RALYL: variants seen among roughly 807,000 people sequenced by gnomAD.
RALYL encodes the protein RALY RNA binding protein like.
Under a neutral mutation model 35.1 loss-of-function variants are expected in RALYL, and 29 were observed. The ratio of observed to expected loss-of-function variants is 0.83; its 90% CI spans 0.61 to 1.13. The LOEUF is 1.13. Among genes scored for constraint, RALYL ranks in the 50% most tolerant of loss-of-function variants. RALYL has a pLI of 0.00. For missense variants in RALYL, 359 were observed against 360.4 expected, an observed-to-expected ratio of 1.00 and a Z score of 0.03; for synonymous variants, 120 against 127.6, an observed-to-expected ratio of 0.94 and a Z score of 0.40.
intron 1 of RALYL, among the ~76,000 whole-genome samples, chr8:84,270,602 CAT>C (rs911561403): frequency 6.7e-6 from 1 of 150,182 alleles, no homozygotes; most frequent in Non-Finnish European, 1.5e-5. Context: ...ATAATTTTCA[CAT>C]ATCTTTCTAT....
At chr8:84,591,774 G>C (rs1231531468) in intron 2 of RALYL, among the ~76,000 whole-genome samples, 2 of 152,106 alleles carry the variant, frequency 1.3e-5, no homozygotes, top group Non-Finnish European at 2.9e-5. Flanking sequence ...GATGATGATG[G>C]GGAAAAAGAA....
At chr8:84,733,449 A>T (rs1162424990) in intron 2 of RALYL, among the ~76,000 whole-genome samples, 1 of 152,136 alleles carries the variant, frequency 6.6e-6, no homozygotes, top group Non-Finnish European at 1.5e-5. Context: ...CATCAAGGAG[A>T]GTTGGTCACC....
chr8:84,756,338 A>G (rs1238388029), intron 2 of RALYL, among the ~76,000 whole-genome samples: 1 of 152,180 alleles, frequency 6.6e-6, no homozygotes, highest in Non-Finnish European at 1.5e-5. Context: ...ATGAACAGAA[A>G]GAGATTGTAG....
At chr8:84,202,268 T>C (rs2131022442) in intron 1 of RALYL, among the ~76,000 whole-genome samples, 1 of 152,040 alleles carries the variant, frequency 6.6e-6, no homozygotes, top group South Asian at 2.1e-4. Context: ...TTTACCTTCT[T>C]ACCTAACACT....
intron 2 of RALYL, among the ~76,000 whole-genome samples, chr8:84,705,339 G>T (rs1225469816): frequency 1.3e-5 from 2 of 152,090 alleles, no homozygotes; most frequent in Non-Finnish European, 2.9e-5. Context: ...GAGGCTTCTT[G>T]CAAGCAGGAG....
intron 2 of RALYL, among the ~76,000 whole-genome samples, chr8:84,722,273 C>A (rs1844065302): frequency 6.6e-6 from 1 of 151,586 alleles, no homozygotes; most frequent in South Asian, 2.1e-4. Context: ...ATATTCTGGA[C>A]TTGGTAATTT....
chr8:84,408,127 T>C (rs1281853071), intron 1 of RALYL, among the ~76,000 whole-genome samples: 1 of 152,150 alleles, frequency 6.6e-6, no homozygotes, highest in Non-Finnish European at 1.5e-5. Context: ...AATGATACAT[T>C]TTATAAAATT....
intron 1 of RALYL, among the ~76,000 whole-genome samples, chr8:84,420,499 C>T (rs1387915578): frequency 6.7e-6 from 1 of 149,792 alleles, no homozygotes; most frequent in African/African-American, 2.5e-5. Context: ...TGTAGGTTGC[C>T]TGTTCACTCT....
chr8:84,881,489 A>G (rs1842166173), intron 7 of RALYL, among the ~76,000 whole-genome samples: 1 of 151,962 alleles, frequency 6.6e-6, no homozygotes, highest in Admixed American at 6.6e-5. Flanking sequence ...CAACTCAACC[A>G]ATTTTCATAG....
At chr8:84,335,828 CT>C (rs1053691688) in intron 1 of RALYL, among the ~76,000 whole-genome samples, 3 of 143,254 alleles carry the variant, frequency 2.1e-5, no homozygotes, top group Admixed American at 1.5e-4. Flanking sequence ...TTGGTTTCTG[CT>C]TTTTGGGCCT....
chr8:84,549,079 G>C (rs1158247633), intron 2 of RALYL, among the ~76,000 whole-genome samples: 1 of 152,136 alleles, frequency 6.6e-6, no homozygotes, highest in Non-Finnish European at 1.5e-5. Flanking sequence ...TGTTCTCAGA[G>C]AGGCCCAGTT....
intron 2 of RALYL, among the ~76,000 whole-genome samples, chr8:84,721,490 A>G (rs1020658996): frequency 2.0e-5 from 3 of 152,128 alleles, no homozygotes; most frequent in African/African-American, 7.2e-5. Context: ...TTAAGAAATG[A>G]AGACTCATAG....
chr8:84,777,628 T>A (rs1405446790), intron 3 of RALYL, among the ~76,000 whole-genome samples: 1 of 150,866 alleles, frequency 6.6e-6, no homozygotes, highest in Non-Finnish European at 1.5e-5. Flanking sequence ...TCTGAGTCTG[T>A]GTTTTGTTTT....
At chr8:84,482,439 CT>C (rs2054148930) in intron 1 of RALYL, among the ~76,000 whole-genome samples, 1 of 151,842 alleles carries the variant, frequency 6.6e-6, no homozygotes, top group African/African-American at 2.4e-5. Flanking sequence ...TTCTGGTTTC[CT>C]TTTTAAACTG....
At chr8:84,417,257 G>A (rs147060930) in intron 1 of RALYL, among the ~76,000 whole-genome samples, 59 of 152,150 alleles carry the variant, frequency 3.9e-4, no homozygotes, top group African/African-American at 1.0e-3. Context: ...TTTTCTTAAC[G>A]TTTAAAAATA....
intron 3 of RALYL, among the ~76,000 whole-genome samples, chr8:84,790,534 G>A (rs1449657010): frequency 6.6e-6 from 1 of 152,134 alleles, no homozygotes; most frequent in Non-Finnish European, 1.5e-5. Flanking sequence ...ACATAAATTT[G>A]TGGATGTAGT....
At chr8:84,370,378 A>G (rs937663667) in intron 1 of RALYL, among the ~76,000 whole-genome samples, 8 of 152,024 alleles carry the variant, frequency 5.3e-5, no homozygotes, top group African/African-American at 1.9e-4. Context: ...TATTAATTTT[A>G]ACGTAAATGA....
chr8:84,440,512 A>G (rs2048218105), intron 1 of RALYL, among the ~76,000 whole-genome samples: 2 of 152,072 alleles, frequency 1.3e-5, no homozygotes, highest in Middle Eastern at 3.2e-3. Context: ...AACTCTTATA[A>G]TTAATCTGCT....
Position 84,644,893 on chromosome 8 carries a change from G to A in RALYL, c.256+115316G>A, listed in dbSNP as rs150859534. On this transcript the variant is annotated intron_variant, in intron 2 of 8. Transcript: ENST00000521268. ...CAGTCTCCTGAGTAGCTGGGATTAC[G>A]GGTATGCACCACCACACCCAGCTAA... 3.8e-3 allele frequency among the ~76,000 whole-genome samples: 578 copies of A among 151,602 alleles called. 6 individuals are homozygous for A. The highest frequency in any genetic ancestry group is 0.013 in the African/African-American group (548 of 41,402).
Sources: allele counts gnomAD v4.1 joint callset (sites outside exome capture counted in the v4.1 genomes callset), GRCh38; gene constraint gnomAD v4.1.1; transcripts MANE v1.5; gene names NCBI Gene and HGNC (gene_info 2026-07-23, HGNC 2026-07-21).